Variants in SIK3 observed in about 807,000 individuals in gnomAD.
The protein encoded by SIK3 is serine/threonine-protein kinase SIK3.
A neutral mutation model predicts 144.2 loss-of-function variants in SIK3; 28 were observed. The observed-to-expected ratio is 0.19, with a 90% CI of 0.14 to 0.27. The LOEUF is 0.27. SIK3 is among the 10% of genes least tolerant of loss of function. The probability of loss-of-function intolerance (pLI) is 1.00; values close to 1 mark genes in which losing one functional copy is unlikely to be tolerated. For missense variants in SIK3, 1,319 were observed against 1,776.0 expected (o/e 0.74, Z 4.62); for synonymous variants, 686 against 676.3 (o/e 1.01, Z -0.22).
At chr11:117,007,354 G>C (rs747924644) in intron 1 of SIK3, among the ~76,000 whole-genome samples, 3 of 152,156 alleles carry the variant, frequency 2.0e-5, no homozygotes, top group Non-Finnish European at 4.4e-5. Flanking sequence ...CTCCAGCCTG[G>C]GTGAGAGAGC....
intron 1 of SIK3, among the ~76,000 whole-genome samples, chr11:116,985,600 C>A (rs1247988350): frequency 6.6e-6 from 1 of 152,092 alleles, no homozygotes; most frequent in Non-Finnish European, 1.5e-5. Flanking sequence ...CCATTTGTAT[C>A]TTTGGAAATA....
At chr11:117,015,731 A>T (rs1364440347) in intron 1 of SIK3, among the ~76,000 whole-genome samples, 2 of 152,026 alleles carry the variant, frequency 1.3e-5, no homozygotes, top group African/African-American at 4.8e-5. Context: ...CACCATGCCC[A>T]GCTAATTTTG....
intron 3 of SIK3, among the ~76,000 whole-genome samples, chr11:116,946,747 G>A (rs1259887250): frequency 6.6e-6 from 1 of 152,158 alleles, no homozygotes; most frequent in African/African-American, 2.4e-5. Context: ...TTCCTTCAGA[G>A]CAATGCTTCT....
chr11:117,066,456 G>A (rs972703656), intron 1 of SIK3, among the ~76,000 whole-genome samples: 9 of 150,326 alleles, frequency 6.0e-5, no homozygotes, highest in Non-Finnish European at 1.0e-4. Flanking sequence ...TTTGCAAAGC[G>A]TAAAGCATTT....
At chr11:116,900,177 G>A (rs533734674) in intron 4 of SIK3, among the ~76,000 whole-genome samples, 6 of 152,218 alleles carry the variant, frequency 3.9e-5, no homozygotes, top group African/African-American at 1.2e-4. Flanking sequence ...TCATACCTGC[G>A]CTTTCAGTGC....
intron 3 of SIK3, among the ~76,000 whole-genome samples, chr11:116,953,084 G>C (rs79143833): frequency 0.025 from 3,751 of 152,040 alleles, 85 homozygotes; most frequent in South Asian, 0.11. Context: ...TAGATCGCTA[G>C]GGAAACTTTA....
At position 116,846,586 on chromosome 11, in the gene SIK3, A is replaced by G; in HGVS notation, c.3953-33T>C. 1.2e-6 allele frequency: 2 copies of G among 1,613,484 alleles called. No individual in the cohort carries two copies. Among genetic ancestry groups the G allele is most frequent in the Non-Finnish European group, 1.7e-6 (2 of 1,179,600 alleles). ...ACCAAAAAGAACGTATGAGGTTGGC[A>G]GGGAACTGGGGGACTAGGAGAGCAA... On this transcript the variant is annotated intron_variant, in intron 23 of 24. Coordinates refer to ENST00000445177, the MANE Select transcript of SIK3 (RefSeq NM_001366686.3). The surrounding 1 kb of genome is among the most constrained non-coding windows in gnomAD (Gnocchi z 4.1).
At chr11:116,887,595 C>A (rs946502673) in intron 6 of SIK3, among the ~76,000 whole-genome samples, 1 of 144,632 alleles carries the variant, frequency 6.9e-6, no homozygotes, top group Admixed American at 6.9e-5. Flanking sequence ...CCAGCCTGGG[C>A]GGCAAAATCT....
intron 1 of SIK3, among the ~76,000 whole-genome samples, chr11:117,091,727 T>C (rs1159343155): frequency 6.6e-6 from 1 of 152,178 alleles, no homozygotes; most frequent in Non-Finnish European, 1.5e-5. Flanking sequence ...AAGAAATGCA[T>C]CAGAAAAGGA....
chr11:116,983,683 T>C (rs1253761829), intron 1 of SIK3, among the ~76,000 whole-genome samples: 1 of 152,190 alleles, frequency 6.6e-6, no homozygotes, highest in African/African-American at 2.4e-5. Context: ...TTAGAGGTGC[T>C]AACTTCTGCC....
chr11:116,865,994 C>T (rs1943610310), intron 15 of SIK3, among the ~76,000 whole-genome samples: 1 of 152,176 alleles, frequency 6.6e-6, no homozygotes. Context: ...ACCCTCAAAA[C>T]ACCAAAAAGG....
chr11:116,962,457 T>A (rs1375226112), intron 1 of SIK3, among the ~76,000 whole-genome samples: 1 of 152,238 alleles, frequency 6.6e-6, no homozygotes, highest in Non-Finnish European at 1.5e-5. Flanking sequence ...AAGCTTATTT[T>A]TTTAAAAAAT....
chr11:116,982,030 G>T (rs1950156202), intron 1 of SIK3, among the ~76,000 whole-genome samples: 1 of 152,118 alleles, frequency 6.6e-6, no homozygotes, highest in South Asian at 2.1e-4. Context: ...CACATGGGAG[G>T]CTTCTTTCCC....
At chr11:117,022,165 T>C (rs1951807320) in intron 1 of SIK3, among the ~76,000 whole-genome samples, 1 of 152,076 alleles carries the variant, frequency 6.6e-6, no homozygotes. Context: ...TGTCAAAATC[T>C]TTTTATTATA....
chr11:116,994,636 A>T (rs1180808491), intron 1 of SIK3, among the ~76,000 whole-genome samples: 1 of 152,126 alleles, frequency 6.6e-6, no homozygotes, highest in Non-Finnish European at 1.5e-5. Flanking sequence ...TAATCTCCTC[A>T]TCTTGACCAC....
At chr11:116,904,150 G>A (rs951787244) in intron 4 of SIK3, among the ~76,000 whole-genome samples, 5 of 152,116 alleles carry the variant, frequency 3.3e-5, no homozygotes, top group African/African-American at 1.2e-4. Flanking sequence ...CAAACCAAAG[G>A]CATAAAACAT....
chr11:116,926,382 C>G (rs999158140), intron 4 of SIK3, among the ~76,000 whole-genome samples: 1 of 152,150 alleles, frequency 6.6e-6, no homozygotes, highest in Non-Finnish European at 1.5e-5. Context: ...TAAGCATGAA[C>G]AGATCAAGGC....
chr11:116,846,793 A>G lies in SIK3; in HGVS notation c.3953-240T>C, dbSNP rs1942000006. Reference sequence around the variant, plus strand: ...TTTCCCTTTTCCTTTACCCTTTCCCATCCTTAGGTAAGATCAACTACTGTA... The same window carrying G: ...TTTCCCTTTTCCTTTACCCTTTCCCGTCCTTAGGTAAGATCAACTACTGTA... On this transcript the variant is annotated intron_variant, in intron 23 of 24. Coordinates refer to ENST00000445177, the MANE Select transcript of SIK3 (RefSeq NM_001366686.3). The surrounding 1 kb of genome is among the most constrained non-coding windows in gnomAD (Gnocchi z 4.1). Among the ~76,000 whole-genome samples, 2 of 152,074 alleles carry G rather than the reference A, an allele frequency of 1.3e-5. No homozygotes were observed. Among genetic ancestry groups the G allele is most frequent in the African/African-American group, 2.4e-5 (1 of 41,390 alleles).
intron 1 of SIK3, among the ~76,000 whole-genome samples, chr11:117,041,740 A>G (rs1952750109): frequency 6.6e-6 from 1 of 152,192 alleles, no homozygotes; most frequent in South Asian, 2.1e-4. Context: ...ATAAATGATT[A>G]TCATGCTTTG....
Sources: gnomAD v4.1 joint callset for allele counts (sites outside exome capture counted in the v4.1 genomes callset) on GRCh38, gnomAD v4.1.1 for gene constraint, Gnocchi (gnomAD v3.1) non-coding constraint, MANE v1.5 for transcripts, NCBI Gene and HGNC (gene_info 2026-07-23, HGNC 2026-07-21) for gene names.